The following SNRK variants were observed in gnomAD, a reference collection of about 807,000 sequenced individuals.
SNRK encodes SNF related kinase.
Under a neutral mutation model 48.2 loss-of-function variants are expected in SNRK, and 3 were observed. The observed-to-expected ratio is 0.06, with a 90% confidence interval of 0.03 to 0.16. The LOEUF (loss-of-function observed/expected upper bound fraction) is 0.16. Ranked by LOEUF, SNRK falls within the 10% of genes least tolerant of loss-of-function variation. The pLI, the probability that SNRK is intolerant of heterozygous loss-of-function variation, is 1.00. For synonymous variants in SNRK, 376 were observed against 366.1 expected (o/e 1.03, Z -0.31); for missense variants, 627 against 976.0 (o/e 0.64, Z 4.76).
At chr3:43,307,045 A>G (rs1043454500) in intron 3 of SNRK, among the ~76,000 whole-genome samples, 5 of 152,142 alleles carry the variant, frequency 3.3e-5, no homozygotes, top group Non-Finnish European at 5.9e-5. Flanking sequence ...ACTTAAGATT[A>G]TGCATTATGC....
chr3:43,295,986 G>A (rs142083127), intron 1 of SNRK, among the ~76,000 whole-genome samples: 6 of 152,134 alleles, frequency 3.9e-5, no homozygotes, highest in Non-Finnish European at 7.4e-5. Flanking sequence ...TAATCTATCC[G>A]CTTTGGCCTC....
rs554401384 is a variant in SNRK at position 43,289,243 on chromosome 3, G to A, written c.-169+2568G>A. On this transcript the variant is annotated intron_variant, in intron 1 of 6. Transcript: ENST00000296088. Reference sequence around the variant, plus strand: ...TGGTTAAACTGGTCTTGAAGAATAGGAAGAATTCCCAGGCAGAGAAAAAGG... The same window carrying A: ...TGGTTAAACTGGTCTTGAAGAATAGAAAGAATTCCCAGGCAGAGAAAAAGG... Among the ~76,000 whole-genome samples, 12 of 152,228 alleles carry A rather than the reference G, an allele frequency of 7.9e-5. No homozygotes were observed. The South Asian group carries it at 2.5e-3, about 32-fold the overall frequency.
At chr3:43,340,657 T>C in intron 5 of SNRK, 158 bp downstream of exon 5, 1 of 669,336 alleles carries the variant, frequency 1.5e-6, no homozygotes, top group Non-Finnish European at 2.5e-6. Context: ...GCCCAGGGCC[T>C]GACACAGGTT....
At chr3:43,323,013 G>GAA (rs1049907287) in intron 3 of SNRK, among the ~76,000 whole-genome samples, 1 of 143,460 alleles carries the variant, frequency 7.0e-6, no homozygotes, top group Non-Finnish European at 1.5e-5. Context: ...AAATAGAATA[G>GAA]AAAGTCCATA....
rs2091297007 is a variant in SNRK at position 43,348,455 on chromosome 3, G to GCTA, written c.2198_2200dup (p.Leu733dup). Reference sequence around the variant, plus strand: ...AGAACCTGAAAAATAACGTGCTGCAGCTACCTCTGTGCGAAAAGACCATCT... The same window carrying GCTA: ...AGAACCTGAAAAATAACGTGCTGCAGCTACTACCTCTGTGCGAAAAGACCATCT... On this transcript the variant is annotated inframe_insertion, in exon 7 of 7. Coordinates refer to ENST00000296088, the MANE Select transcript of SNRK (RefSeq NM_017719.5). 6.2e-7 allele frequency: 1 copy of GCTA among 1,611,044 alleles called. No individual in the cohort carries two copies. Among genetic ancestry groups the GCTA allele is most frequent in the Non-Finnish European group, 8.5e-7 (1 of 1,178,670 alleles).
chr3:43,335,548 G>A (rs73831256), intron 4 of SNRK, among the ~76,000 whole-genome samples: 4,083 of 152,212 alleles, frequency 0.027, 185 homozygotes, highest in African/African-American at 0.091. Flanking sequence ...ATATTTTCCA[G>A]TTTTGGAGTT....
chr3:43,330,599 A>G (rs559672345), intron 3 of SNRK, among the ~76,000 whole-genome samples: 87 of 152,334 alleles, frequency 5.7e-4, no homozygotes, highest in African/African-American at 1.9e-3. Flanking sequence ...TTCACTGGCT[A>G]TTTAAAGAAT....
chr3:43,326,696 C>T (rs2091099218), intron 3 of SNRK, among the ~76,000 whole-genome samples: 1 of 152,006 alleles, frequency 6.6e-6, no homozygotes, highest in African/African-American at 2.4e-5. Flanking sequence ...AGTAGGGAGT[C>T]TGGGATGTCT....
At chr3:43,295,655 G>GTT (rs754230129) in intron 1 of SNRK, among the ~76,000 whole-genome samples, 1 of 152,150 alleles carries the variant, frequency 6.6e-6, no homozygotes, top group East Asian at 1.9e-4. Context: ...CTATTGACCT[G>GTT]TTTATGGTTC....
chr3:43,309,523 A>C (rs973571285), intron 3 of SNRK, among the ~76,000 whole-genome samples: 9 of 152,316 alleles, frequency 5.9e-5, no homozygotes, highest in East Asian at 3.8e-4. Flanking sequence ...CACCCTGATT[A>C]GTAAGCAGCC....
At chr3:43,300,123 A>G (rs1470611493) in intron 2 of SNRK, among the ~76,000 whole-genome samples, 1 of 152,158 alleles carries the variant, frequency 6.6e-6, no homozygotes, top group Non-Finnish European at 1.5e-5. Flanking sequence ...GTGCTCATAT[A>G]AAAAGTAAAT....
chr3:43,307,138 T>C (rs2090943687), intron 3 of SNRK, among the ~76,000 whole-genome samples: 1 of 152,242 alleles, frequency 6.6e-6, no homozygotes, highest in African/African-American at 2.4e-5. Context: ...TATTCTCATC[T>C]GTGAATTTTG....
chr3:43,347,968 G>A lies in SNRK; in HGVS notation c.1709G>A (p.Ser570Asn), dbSNP rs2091290580. 3 of 1,614,082 alleles carry A rather than the reference G, an allele frequency of 1.9e-6. No homozygotes were observed. The highest frequency in any genetic ancestry group is 2.5e-6 in the Non-Finnish European group (3 of 1,180,010). Residue 570 changes from serine (S) to asparagine (N), a missense_variant, in exon 7 of 7, where the codon AGC (serine) becomes AAC (asparagine). By Grantham distance (46) the Ser-to-Asn change is conservative. Around this residue, in one of 4 missense-constraint regions of SNRK, gnomAD observed 98 missense variants for 175.2 expected, o/e 0.56. Transcript: ENST00000296088. The surrounding 1 kb of genome is among the most constrained non-coding windows in gnomAD (Gnocchi z 5.4). Reference protein sequence around the residue: ...FTYSWHRRDSSEGPPGSEGDG... With the variant: ...FTYSWHRRDSNEGPPGSEGDG... ...TACTCCTGGCACCGACGGGATAGCA[G>A]CGAGGGGCCCCCTGGCAGTGAGGGG...
rs2091297135 is a variant in SNRK, at chr3:43,348,462, CTG to C, written c.2206_2207del (p.Cys736ArgfsTer13). The C allele has an allele frequency of 6.2e-7, 1 of 1,609,560 alleles. No individual in the cohort carries two copies. Among genetic ancestry groups the C allele is most frequent in the South Asian group, 1.1e-5 (1 of 90,340 alleles). ...GAAAAATAACGTGCTGCAGCTACCT[CTG>C]TGCGAAAAGACCATCTCTGTGAACA... ...NLKNNVLQLP[L>X]CEKTISVNIQ... is the part of the protein sequence containing the mutation. On this transcript the variant is annotated frameshift_variant, in exon 7 of 7. Transcript: ENST00000296088. LOFTEE classifies it high-confidence loss of function.
At chr3:43,314,863 A>G (rs927289887) in intron 3 of SNRK, 1 of 152,026 alleles carries the variant, frequency 6.6e-6, no homozygotes, top group African/African-American at 2.4e-5. Flanking sequence ...TAGGCAACAT[A>G]GACTCCATCT....
At chr3:43,312,136 A>G (rs2090983170) in intron 3 of SNRK, among the ~76,000 whole-genome samples, 1 of 152,296 alleles carries the variant, frequency 6.6e-6, no homozygotes. Context: ...GTTTCCTAGT[A>G]TACAGACTAT....
At chr3:43,311,090 A>G (rs1290998760) in intron 3 of SNRK, among the ~76,000 whole-genome samples, 1 of 152,148 alleles carries the variant, frequency 6.6e-6, no homozygotes, top group Non-Finnish European at 1.5e-5. Context: ...ACTATTTGTT[A>G]GGTTGTTAAT....
chr3:43,331,616 G>A (rs988540199), intron 3 of SNRK, among the ~76,000 whole-genome samples: 1 of 152,084 alleles, frequency 6.6e-6, no homozygotes, highest in African/African-American at 2.4e-5. Flanking sequence ...TCATCCTCTG[G>A]AGTAATATAT....
chr3:43,348,043 A>G lies in SNRK; in HGVS notation c.1784A>G (p.Lys595Arg), dbSNP rs777977613. ...AGCAATGCCAGTGGAGGGGTGGACA[A>G]GGCCAGCCCCAGTGAGAACAATGCT... is the stretch of plus-strand genomic sequence containing the variant. ...KPSNASGGVD[K>R]ASPSENNAGG... is the part of the protein sequence containing the mutation. The change falls in exon 7 of 7, where the codon AAG becomes AGG. Residue 595 changes from lysine to arginine, a missense_variant. Physicochemically the swap from Lys to Arg is conservative, Grantham distance 26 (BLOSUM62 2). Transcript: ENST00000296088. 4.4e-6 allele frequency: 7 copies of G among 1,607,444 alleles called. No individual in the cohort carries two copies. Among genetic ancestry groups the G allele is most frequent in the Non-Finnish European group, 5.9e-6 (7 of 1,176,832 alleles).
Sources: allele counts gnomAD v4.1 joint callset (sites outside exome capture counted in the v4.1 genomes callset), GRCh38; gene constraint gnomAD v4.1.1; regional missense constraint gnomAD v4.1.1; non-coding constraint Gnocchi (gnomAD v3.1); transcripts MANE v1.5; gene names NCBI Gene and HGNC (gene_info 2026-07-23, HGNC 2026-07-21).